The following PTPRK variants were observed in gnomAD, a reference collection of about 807,000 sequenced individuals.
PTPRK encodes the protein receptor-type tyrosine-protein phosphatase kappa.
In PTPRK, 75 loss-of-function variants were observed where a neutral mutation model predicts 178.0. That is an observed-to-expected ratio of 0.42 (90% CI 0.35 to 0.51). The LOEUF (loss-of-function observed/expected upper bound fraction) is 0.51. PTPRK is among the 20% of genes least tolerant of loss of function. The pLI is 0.02. For missense variants in PTPRK, 1,441 were observed against 1,797.8 expected (o/e 0.80, Z 3.59); for synonymous variants, 637 against 620.6 (o/e 1.03, Z -0.39).
intron 3 of PTPRK, 79 bp downstream of exon 3, chr6:128,321,960 C>T (rs1470269581): frequency 1.1e-5 from 17 of 1,566,232 alleles, no homozygotes; most frequent in Non-Finnish European, 1.5e-5. Context: ...CCATGAGATG[C>T]ATATTTACAT....
chr6:128,100,155 A>C (rs1325527999), intron 7 of PTPRK, among the ~76,000 whole-genome samples: 1 of 152,028 alleles, frequency 6.6e-6, no homozygotes, highest in African/African-American at 2.4e-5. Flanking sequence ...AACCTGCCTT[A>C]GACTATAATT....
At chr6:128,073,809 T>C (rs1783269026) in intron 11 of PTPRK, among the ~76,000 whole-genome samples, 1 of 152,112 alleles carries the variant, frequency 6.6e-6, no homozygotes, top group Non-Finnish European at 1.5e-5. Context: ...TTGATCTAAT[T>C]GGACCATATG....
Position 128,089,673 on chromosome 6 carries a change from G to A in PTPRK, c.1465+17C>T, listed in dbSNP as rs760909875. The A allele has an allele frequency of 2.5e-6, 4 of 1,583,736 alleles. No individual in the cohort carries two copies. Among genetic ancestry groups the A allele is most frequent in the Non-Finnish European group, 3.5e-6 (4 of 1,153,370 alleles). On this transcript the variant is annotated intron_variant, in intron 8 of 29. Coordinates refer to ENST00000368226, the MANE Select transcript of PTPRK (RefSeq NM_002844.4). ...TTAGAGAATTCCCCCCTTTTAAACA[G>A]CAAAGTATGAGCATACCATCTTCAT... is the stretch of plus-strand genomic sequence containing the variant.
intron 1 of PTPRK, among the ~76,000 whole-genome samples, chr6:128,421,365 T>G (rs1168619178): frequency 6.6e-6 from 1 of 152,198 alleles, no homozygotes; most frequent in Non-Finnish European, 1.5e-5. Flanking sequence ...GTCCCATAAA[T>G]ATTTTTAAGA....
intron 6 of PTPRK, among the ~76,000 whole-genome samples, chr6:128,187,548 T>C (rs149494011): frequency 6.6e-6 from 1 of 152,234 alleles, no homozygotes; most frequent in South Asian, 2.1e-4. Flanking sequence ...GGTTGCTTTG[T>C]TCTGTTTTGC....
At chr6:128,079,103 T>C (rs1269711756) in intron 10 of PTPRK, among the ~76,000 whole-genome samples, 185 bp from the exon 11 acceptor site, 5 of 152,060 alleles carry the variant, frequency 3.3e-5, no homozygotes, top group Non-Finnish European at 7.4e-5. Flanking sequence ...TATCAAAAGC[T>C]AGAAAACCAA....
chr6:128,354,231 G>GGTTTTTTTTTTTTTT (rs1562341681), intron 2 of PTPRK, among the ~76,000 whole-genome samples: 2 of 49,368 alleles, frequency 4.1e-5, no homozygotes, highest in East Asian at 6.9e-4. Context: ...TTTTGTTTAT[G>GGTTTTTTTTTTTTTT]TTTTTTTTTT....
chr6:128,177,357 A>T (rs1200566610), intron 7 of PTPRK, among the ~76,000 whole-genome samples: 1 of 151,820 alleles, frequency 6.6e-6, no homozygotes, highest in African/African-American at 2.4e-5. Flanking sequence ...AGAACATTTC[A>T]TGAGACTGAT....
At chr6:128,292,928 T>C (rs1214742201) in intron 3 of PTPRK, among the ~76,000 whole-genome samples, 1 of 152,022 alleles carries the variant, frequency 6.6e-6, no homozygotes, top group Non-Finnish European at 1.5e-5. Context: ...ATAACCTTTG[T>C]TAAAGAAAGA....
At chr6:128,509,659 T>C (rs1204716486) in intron 1 of PTPRK, among the ~76,000 whole-genome samples, 1 of 152,082 alleles carries the variant, frequency 6.6e-6, no homozygotes, top group East Asian at 1.9e-4. Flanking sequence ...GACAAGACAT[T>C]AAAGTCATTC....
At position 128,221,353 on chromosome 6, in the gene PTPRK, T is replaced by A. The variant is rs183526135; in HGVS notation, c.694-2257A>T. On this transcript the variant is annotated intron_variant, in intron 5 of 29. Coordinates refer to ENST00000368226, the MANE Select transcript of PTPRK (RefSeq NM_002844.4). ...TCCTGGCTAACATGGTGAAACCCCGTCTGTACTAAAAATACAAAAAATTAG... is the reference window on the plus strand; with the variant it reads ...TCCTGGCTAACATGGTGAAACCCCGACTGTACTAAAAATACAAAAAATTAG... Among the ~76,000 whole-genome samples, 196 of 151,914 alleles carry A rather than the reference T, an allele frequency of 1.3e-3. 1 individual carries two copies. The highest frequency in any genetic ancestry group is 4.5e-3 in the African/African-American group (186 of 41,442).
chr6:128,387,911 A>G (rs1334534922), intron 2 of PTPRK, among the ~76,000 whole-genome samples: 8 of 152,088 alleles, frequency 5.3e-5, no homozygotes, highest in Non-Finnish European at 1.2e-4. Flanking sequence ...CCCTGGAAGA[A>G]GAAGAATACA....
chr6:128,163,501 A>G (rs910658644), intron 7 of PTPRK, among the ~76,000 whole-genome samples: 2 of 151,438 alleles, frequency 1.3e-5, no homozygotes, highest in African/African-American at 2.4e-5. Context: ...GTGGCAGATA[A>G]AATGGAGAAA....
chr6:128,058,415 T>C (rs1216375111), intron 13 of PTPRK, among the ~76,000 whole-genome samples: 1 of 152,210 alleles, frequency 6.6e-6, no homozygotes, highest in Non-Finnish European at 1.5e-5. Flanking sequence ...TTGAGCACCA[T>C]TTCATAGGTT....
chr6:128,493,540 G>A (rs1162814116), intron 1 of PTPRK, among the ~76,000 whole-genome samples: 1 of 148,040 alleles, frequency 6.8e-6, no homozygotes, highest in Admixed American at 6.8e-5. Context: ...CCAGCTGGGT[G>A]AAAGAGCGAG....
chr6:128,328,454 A>G (rs1034615402), intron 2 of PTPRK, among the ~76,000 whole-genome samples: 13 of 152,248 alleles, frequency 8.5e-5, no homozygotes, highest in African/African-American at 3.1e-4. Flanking sequence ...AGTTCTAACT[A>G]TATGTGAGAT....
intron 5 of PTPRK, chr6:128,232,029 C>T (rs568028282): frequency 3.8e-4 from 58 of 152,332 alleles, no homozygotes; most frequent in African/African-American, 1.3e-3. Context: ...ACAGAAGCCT[C>T]TTCCTCTTCC....
At chr6:128,021,545 C>T (rs1226351060) in intron 13 of PTPRK, among the ~76,000 whole-genome samples, 1 of 152,182 alleles carries the variant, frequency 6.6e-6, no homozygotes, top group African/African-American at 2.4e-5. Flanking sequence ...GAGGCTGAGG[C>T]AGGAGAATGG....
intron 1 of PTPRK, among the ~76,000 whole-genome samples, chr6:128,504,069 G>A (rs1258609916): frequency 6.6e-6 from 1 of 152,132 alleles, no homozygotes; most frequent in African/African-American, 2.4e-5. Context: ...TGATAAAAAT[G>A]TACAGAATAG....
Sources: gnomAD v4.1 joint callset for allele counts (sites outside exome capture counted in the v4.1 genomes callset) on GRCh38, gnomAD v4.1.1 for gene constraint, MANE v1.5 for transcripts, NCBI Gene and HGNC (gene_info 2026-07-23, HGNC 2026-07-21) for gene names.